PTPRG: variants seen among roughly 807,000 people sequenced by gnomAD.
PTPRG encodes the protein receptor-type tyrosine-protein phosphatase gamma.
PTPRG carries 102 observed loss-of-function variants against 165.3 expected under a neutral mutation model. The observed-to-expected ratio is 0.62, with a 90% CI of 0.53 to 0.73. The LOEUF is 0.73. PTPRG is among the 30% of genes least tolerant of loss of function. The probability of loss-of-function intolerance (pLI) is 0.00; values close to 1 mark genes in which losing one functional copy is unlikely to be tolerated. For missense variants in PTPRG, 1,866 were observed against 1,861.4 expected (o/e 1.00, Z -0.05); for synonymous variants, 675 against 669.5 (o/e 1.01, Z -0.13).
Position 61,562,385 on chromosome 3 carries a change from C to A in PTPRG, c.85+13C>A. On this transcript the variant is annotated intron_variant, in intron 1 of 29. Coordinates refer to ENST00000474889, the MANE Select transcript of PTPRG (RefSeq NM_002841.4). ...GTGTGCTTCCCCGGTGAGTGCCGGCCGCCGAGGGGATGCGGCCCCGGCCGG... is the reference window on the plus strand; with the variant it reads ...GTGTGCTTCCCCGGTGAGTGCCGGCAGCCGAGGGGATGCGGCCCCGGCCGG... 2 of 1,612,824 alleles carry A rather than the reference C, an allele frequency of 1.2e-6. No homozygotes were observed. Among genetic ancestry groups the A allele is most frequent in the African/African-American group, 1.3e-5 (1 of 75,004 alleles).
rs1448277639 is a variant in PTPRG at position 62,069,680 on chromosome 3, T to TCACA, written c.520-8482_520-8481insACAC. ...CTCTCTCTCTCTCTCTCTCTCTCTC[T>TCACA]CTCTCACACACAGACACACGCACAC... On this transcript the variant is annotated intron_variant, in intron 4 of 29. Transcript: ENST00000474889. Among the ~76,000 whole-genome samples the TCACA allele has an allele frequency of 1.7e-3, 240 of 139,964 alleles. 4 individuals carry two copies. The highest frequency in any genetic ancestry group is 4.0e-3 in the African/African-American group (139 of 34,558). The allele number at this position is 139,964 out of a possible 152,430, so 91.8% of individuals were successfully genotyped here.
intron 5 of PTPRG, among the ~76,000 whole-genome samples, chr3:62,108,043 G>A (rs4688288): frequency 4.0e-5 from 6 of 150,470 alleles, no homozygotes; most frequent in African/African-American, 1.5e-4. Flanking sequence ...TTTCTCTCTC[G>A]CTCTTTTTTT....
chr3:61,656,047 C>A (rs557278384), intron 1 of PTPRG, among the ~76,000 whole-genome samples: 9 of 150,842 alleles, frequency 6.0e-5, no homozygotes, highest in Admixed American at 2.0e-4. Context: ...AGACCCCCCC[C>A]CCCCCGACCA....
At chr3:61,858,342 T>C (rs1373869459) in intron 2 of PTPRG, among the ~76,000 whole-genome samples, 1 of 152,234 alleles carries the variant, frequency 6.6e-6, no homozygotes, top group Non-Finnish European at 1.5e-5. Context: ...TTATTAACAG[T>C]ATTCCCAACT....
intron 2 of PTPRG, among the ~76,000 whole-genome samples, chr3:61,862,976 T>C (rs1266509748): frequency 6.6e-6 from 1 of 152,212 alleles, no homozygotes; most frequent in African/African-American, 2.4e-5. Context: ...CAGTAGATGA[T>C]GCCTAAACTC....
chr3:61,609,212 A>G (rs1387363876), intron 1 of PTPRG, among the ~76,000 whole-genome samples: 1 of 152,188 alleles, frequency 6.6e-6, no homozygotes, highest in Admixed American at 6.5e-5. Context: ...CCATCCCTCT[A>G]TACCTTGCTG....
At chr3:62,257,725 T>C (rs536671075) in intron 16 of PTPRG, among the ~76,000 whole-genome samples, 1 of 152,124 alleles carries the variant, frequency 6.6e-6, no homozygotes, top group South Asian at 2.1e-4. Flanking sequence ...GAGAACAAGG[T>C]GGGAGGATCG....
At chr3:62,058,371 A>T (rs1039374995) in intron 4 of PTPRG, among the ~76,000 whole-genome samples, 1 of 152,010 alleles carries the variant, frequency 6.6e-6, no homozygotes, top group Non-Finnish European at 1.5e-5. Flanking sequence ...GGGTTTTGCT[A>T]TGTCAACCAG....
intron 3 of PTPRG, among the ~76,000 whole-genome samples, chr3:61,990,763 G>T (rs2040865839): frequency 6.6e-6 from 1 of 151,970 alleles, no homozygotes; most frequent in African/African-American, 2.4e-5. Flanking sequence ...TGAACCCTTT[G>T]TAACCAAGGA....
intron 4 of PTPRG, among the ~76,000 whole-genome samples, chr3:62,051,798 T>A (rs1172749354): frequency 6.6e-6 from 1 of 152,240 alleles, no homozygotes; most frequent in Non-Finnish European, 1.5e-5. Context: ...TCATGTGGTC[T>A]GTGTGCCAGG....
intron 2 of PTPRG, among the ~76,000 whole-genome samples, chr3:61,789,888 A>G (rs1272111404): frequency 6.6e-6 from 1 of 152,254 alleles, no homozygotes. Flanking sequence ...ATCTGGGGAC[A>G]GTAAATTTTG....
rs2106818279 is a variant in PTPRG, at chr3:62,195,322, G to A, written c.1327+152G>A. ...TTTAAAGCCTATGCGGGAAGCCCTA[G>A]TAATTTAGGTCTTTTAGGTTGGAGG... On this transcript the variant is annotated intron_variant, in intron 10 of 29. Transcript: ENST00000474889. This position sits in a 1 kb window ranked among gnomAD's most constrained non-coding sequence, Gnocchi z 4.4. The A allele has an allele frequency of 1.5e-6, 1 of 666,548 alleles. No individual in the cohort carries two copies. The highest frequency in any genetic ancestry group is 2.5e-6 in the Non-Finnish European group (1 of 393,074). 41.3% of individuals were successfully genotyped at this position (666,548 alleles called of 1,614,324 possible).
intron 1 of PTPRG, among the ~76,000 whole-genome samples, chr3:61,576,891 T>G (rs890732029): frequency 6.6e-6 from 1 of 152,228 alleles, no homozygotes; most frequent in Non-Finnish European, 1.5e-5. Context: ...CTAAATTCAC[T>G]TGCTTATTTT....
chr3:62,295,289 T>A lies in PTPRG; in HGVS notation c.*1982T>A, dbSNP rs1265881467. ...TACAACTGCCAGATGCTGAGGAGAATCAGGAAAGCAATGAGCTAGACTCTT... is the reference window on the plus strand; with the variant it reads ...TACAACTGCCAGATGCTGAGGAGAAACAGGAAAGCAATGAGCTAGACTCTT... On this transcript the variant is annotated 3_prime_UTR_variant, in exon 30 of 30. Transcript: ENST00000474889. The A allele has an allele frequency of 6.6e-6, 1 of 152,112 alleles. No homozygotes were observed. The highest frequency in any genetic ancestry group is 1.5e-5 in the Non-Finnish European group (1 of 68,022). The allele number at this position is 152,112 out of a possible 1,614,324, so 9.4% of individuals were successfully genotyped here.
Position 62,254,659 on chromosome 3 carries a change from T to TA in PTPRG, c.2468-461dup, listed in dbSNP as rs2106983830. Among the ~76,000 whole-genome samples the TA allele has an allele frequency of 6.6e-6, 1 of 152,120 alleles. No homozygotes were observed. The highest frequency in any genetic ancestry group is 1.9e-4 in the East Asian group (1 of 5,168). On this transcript the variant is annotated intron_variant, in intron 15 of 29. Coordinates refer to ENST00000474889, the MANE Select transcript of PTPRG (RefSeq NM_002841.4). This position sits in a 1 kb window ranked among gnomAD's most constrained non-coding sequence, Gnocchi z 4.6. The stretch of plus-strand genomic sequence containing the variant: ...CTATAATTGTGTATAAAGGATTGCT[T>TA]AAAACTTATAAGATTGGAAATAGAA...
chr3:62,222,327 T>A lies in PTPRG; in HGVS notation c.2288+3344T>A, dbSNP rs536440267. 6.6e-6 allele frequency among the ~76,000 whole-genome samples: 1 copy of A among 152,260 alleles called. No individual in the cohort carries two copies. Among genetic ancestry groups the A allele is most frequent in the South Asian group, 2.1e-4 (1 of 4,828 alleles). On this transcript the variant is annotated intron_variant, in intron 13 of 29. Coordinates refer to ENST00000474889, the MANE Select transcript of PTPRG (RefSeq NM_002841.4). This position sits in a 1 kb window ranked among gnomAD's most constrained non-coding sequence, Gnocchi z 4.5. ...CTGTCTGTGTTTCTCTTGCCGTCAGTTTCTGGGATTTGCTGTCTGTGTGGT... is the reference window on the plus strand; with the variant it reads ...CTGTCTGTGTTTCTCTTGCCGTCAGATTCTGGGATTTGCTGTCTGTGTGGT...
At chr3:61,885,667 C>A (rs1286408650) in intron 2 of PTPRG, among the ~76,000 whole-genome samples, 1 of 41,524 alleles carries the variant, frequency 2.4e-5, no homozygotes, top group African/African-American at 8.8e-5. Flanking sequence ...CTCTCCTCTC[C>A]TCTCCTCTCC....
At chr3:62,068,930 A>G (rs73839690) in intron 4 of PTPRG, among the ~76,000 whole-genome samples, 2,035 of 152,312 alleles carry the variant, frequency 0.013, 45 homozygotes, top group African/African-American at 0.047. Context: ...GAAGTGTTTG[A>G]GAATGTTTAT....
At chr3:61,609,184 T>C (rs1311113954) in intron 1 of PTPRG, among the ~76,000 whole-genome samples, 1 of 152,200 alleles carries the variant, frequency 6.6e-6, no homozygotes, top group East Asian at 1.9e-4. Context: ...TGTCCCCTTA[T>C]CTGTAAAATT....
Sources: gnomAD v4.1 joint callset for allele counts (sites outside exome capture counted in the v4.1 genomes callset) on GRCh38, gnomAD v4.1.1 for gene constraint, Gnocchi (gnomAD v3.1) non-coding constraint, MANE v1.5 for transcripts, NCBI Gene and HGNC (gene_info 2026-07-23, HGNC 2026-07-21) for gene names.